Variants in DIAPH1 observed in about 807,000 individuals in gnomAD.
DIAPH1 encodes the protein diaphanous related formin 1, also known as protein diaphanous homolog 1.
In DIAPH1, 46 loss-of-function variants were observed where a neutral mutation model predicts 140.7. The ratio of observed to expected loss-of-function variants is 0.33; its 90% CI spans 0.26 to 0.42. The LOEUF is 0.42. Ranked by LOEUF, DIAPH1 falls within the 10% of genes least tolerant of loss-of-function variation. DIAPH1 has a pLI of 1.00. For synonymous variants in DIAPH1, 565 were observed against 551.6 expected, an observed-to-expected ratio of 1.02 and a Z score of -0.34; for missense variants, 1,310 against 1,558.7, an observed-to-expected ratio of 0.84 and a Z score of 2.69.
At chr5:141,541,110 G>A (rs1250568098) in intron 18 of DIAPH1, among the ~76,000 whole-genome samples, 1 of 152,090 alleles carries the variant, frequency 6.6e-6, no homozygotes, top group Non-Finnish European at 1.5e-5. Context: ...AAATGAAAGA[G>A]TCCTGCCAAT....
chr5:141,606,067 A>G (rs890544468), intron 1 of DIAPH1, among the ~76,000 whole-genome samples: 3 of 152,240 alleles, frequency 2.0e-5, no homozygotes, highest in Non-Finnish European at 4.4e-5. Flanking sequence ...GCAAAATGAA[A>G]TAATTTTAGA....
chr5:141,560,861 G>C, intron 18 of DIAPH1: 1 of 455,650 alleles, frequency 2.2e-6, no homozygotes, highest in Non-Finnish European at 4.4e-6. Flanking sequence ...AGAGACAGCT[G>C]CTGGTTTTCG....
chr5:141,578,971 G>T, intron 9 of DIAPH1, 117 bp downstream of exon 9: 1 of 845,718 alleles, frequency 1.2e-6, no homozygotes, highest in Non-Finnish European at 2.1e-6. Context: ...AACAGATTCT[G>T]AAATGTAAAA....
intron 18 of DIAPH1, among the ~76,000 whole-genome samples, chr5:141,543,111 A>G (rs2099890262): frequency 6.6e-6 from 1 of 152,004 alleles, no homozygotes. Flanking sequence ...TAGTAGCATT[A>G]TTTATAATAG....
Position 141,618,779 on chromosome 5 carries a change from G to C in DIAPH1, c.117+19C>G. On this transcript the variant is annotated intron_variant, in intron 1 of 27. Transcript: ENST00000389054. The stretch of plus-strand genomic sequence containing the variant: ...GCGGTTACGGGGCCAGGCAGGAGCG[G>C]GATGGGAGGGACACTCACAAATTTC... 1 of 1,523,742 alleles carries C rather than the reference G, an allele frequency of 6.6e-7. No homozygotes were observed. Among genetic ancestry groups the C allele is most frequent in the Admixed American group, 1.9e-5 (1 of 52,394 alleles). The allele number at this position is 1,523,742 out of a possible 1,614,324, so 94.4% of individuals were successfully genotyped here.
intron 1 of DIAPH1, among the ~76,000 whole-genome samples, chr5:141,595,282 A>C (rs1243342676): frequency 6.6e-6 from 1 of 152,170 alleles, no homozygotes; most frequent in Non-Finnish European, 1.5e-5. Flanking sequence ...TGGATTGTAC[A>C]ACACTAAGAG....
intron 18 of DIAPH1, 66 bp downstream of exon 18, chr5:141,571,362 A>T: frequency 7.7e-7 from 1 of 1,306,964 alleles, no homozygotes. Flanking sequence ...AAATTCCTTT[A>T]TATCTATTTC....
At chr5:141,586,523 A>C (rs985114928) in intron 3 of DIAPH1, among the ~76,000 whole-genome samples, 16 of 152,350 alleles carry the variant, frequency 1.1e-4, no homozygotes, top group African/African-American at 3.8e-4. Context: ...GAGGACAACA[A>C]AGTAAGTCAC....
chr5:141,598,081 G>A (rs529518160), intron 1 of DIAPH1, among the ~76,000 whole-genome samples: 80 of 152,222 alleles, frequency 5.3e-4, no homozygotes, highest in Non-Finnish European at 7.5e-4. Context: ...AGGTGCACTC[G>A]TAAACACTCA....
At position 141,516,782 on chromosome 5, in the gene DIAPH1, T is replaced by A; in HGVS notation, c.*69A>T. 1 of 1,591,326 alleles carries A rather than the reference T, an allele frequency of 6.3e-7. No homozygotes were observed. Among genetic ancestry groups the A allele is most frequent in the Non-Finnish European group, 8.6e-7 (1 of 1,162,850 alleles). ...CCAGAGGAATATCCCCTTGAGCCTT[T>A]AGGCACATGCTGCAGGGCAGGACAG... On this transcript the variant is annotated 3_prime_UTR_variant, in exon 28 of 28. Transcript: ENST00000389054.
At chr5:141,517,101 A>T (rs1388731230) in intron 27 of DIAPH1, 93 bp from the exon 28 acceptor site, 3 of 1,483,148 alleles carry the variant, frequency 2.0e-6, no homozygotes, top group South Asian at 1.2e-5. Flanking sequence ...AGCCATGCAG[A>T]CATGACTACC....
chr5:141,612,669 GAGA>G (rs1424036082), intron 1 of DIAPH1, among the ~76,000 whole-genome samples: 1 of 152,188 alleles, frequency 6.6e-6, no homozygotes, highest in Non-Finnish European at 1.5e-5. Context: ...ATAACAAAGA[GAGA>G]AGGAGGAAAC....
At chr5:141,577,445 T>TC in intron 12 of DIAPH1, 30 bp downstream of exon 12, 1 of 1,473,634 alleles carries the variant, frequency 6.8e-7, no homozygotes, top group East Asian at 2.3e-5. Flanking sequence ...AGGCTCAAAT[T>TC]CAAAACTTCT....
At chr5:141,608,045 T>C (rs1018670155) in intron 1 of DIAPH1, among the ~76,000 whole-genome samples, 2 of 152,242 alleles carry the variant, frequency 1.3e-5, no homozygotes, top group African/African-American at 2.4e-5. Flanking sequence ...CAGCTACATA[T>C]GGAAAGAATA....
chr5:141,576,724 C>T (rs1347699708), intron 13 of DIAPH1, 32 bp downstream of exon 13: 5 of 1,384,236 alleles, frequency 3.6e-6, no homozygotes, highest in East Asian at 4.6e-5. Flanking sequence ...AGAAGCAATA[C>T]TTGGAGGAGC....
chr5:141,533,425 A>G lies in DIAPH1; in HGVS notation c.2581+910T>C, dbSNP rs150730743. Among the ~76,000 whole-genome samples the G allele has an allele frequency of 3.1e-3, 477 of 152,358 alleles. 3 individuals are homozygous for G. The highest frequency in any genetic ancestry group is 0.011 in the African/African-American group (442 of 41,578). On this transcript the variant is annotated intron_variant, in intron 19 of 27. Transcript: ENST00000389054. ...ACCAAAGAGTTACGAGTATACGTGGAAACTTCAGAACAGAACCCTTCTCTG... is the reference window on the plus strand; with the variant it reads ...ACCAAAGAGTTACGAGTATACGTGGGAACTTCAGAACAGAACCCTTCTCTG...
chr5:141,516,749 T>C lies in DIAPH1; in HGVS notation c.*102A>G. 1 of 1,339,882 alleles carries C rather than the reference T, an allele frequency of 7.5e-7. No individual in the cohort carries two copies. The allele number at this position is 1,339,882 out of a possible 1,614,324, so 83.0% of individuals were successfully genotyped here. ...AAAGACAGGGTCAGGGTGGTGGGAGTGGCCACCCCAGAGGAATATCCCCTT... is the reference window on the plus strand; with the variant it reads ...AAAGACAGGGTCAGGGTGGTGGGAGCGGCCACCCCAGAGGAATATCCCCTT... On this transcript the variant is annotated 3_prime_UTR_variant, in exon 28 of 28. Transcript: ENST00000389054.
intron 18 of DIAPH1, among the ~76,000 whole-genome samples, chr5:141,546,924 C>A (rs2099890887): frequency 6.6e-6 from 1 of 152,204 alleles, no homozygotes; most frequent in South Asian, 2.1e-4. Context: ...AAAGTAACAT[C>A]ATCTGGAGTT....
intron 18 of DIAPH1, 58 bp from the exon 19 acceptor site, chr5:141,534,491 C>A: frequency 7.4e-7 from 1 of 1,347,278 alleles, no homozygotes; most frequent in Non-Finnish European, 1.1e-6. Context: ...TGTGCTTTAC[C>A]AAGCAACTAC....
Sources: allele counts gnomAD v4.1 joint callset (sites outside exome capture counted in the v4.1 genomes callset), GRCh38; gene constraint gnomAD v4.1.1; transcripts MANE v1.5; gene names NCBI Gene and HGNC (gene_info 2026-07-23, HGNC 2026-07-21).